Variants in SLC44A3 observed in about 807,000 individuals in gnomAD.
The protein encoded by SLC44A3 is choline transporter-like protein 3.
SLC44A3 carries 74 observed loss-of-function variants against 75.4 expected under a neutral mutation model. The ratio of observed to expected loss-of-function variants is 0.98; its 90% CI spans 0.81 to 1.19. The LOEUF (loss-of-function observed/expected upper bound fraction) is 1.19. Among genes scored for constraint, SLC44A3 ranks in the 50% most tolerant of loss-of-function variants. The pLI is 0.00. For missense variants in SLC44A3, 700 were observed against 778.6 expected (o/e 0.90, Z 1.20); for synonymous variants, 310 against 296.9 (o/e 1.04, Z -0.45).
intron 12 of SLC44A3, among the ~76,000 whole-genome samples, chr1:94,884,084 C>G (rs1669298162): frequency 1.3e-5 from 2 of 152,006 alleles, no homozygotes; most frequent in South Asian, 4.1e-4. Context: ...AAAAATTAAG[C>G]AAAAAGAAAA....
chr1:94,841,963 C>T (rs373849711), intron 7 of SLC44A3, 37 bp from the exon 8 acceptor site: 16 of 1,577,482 alleles, frequency 1.0e-5, no homozygotes, highest in South Asian at 2.4e-5. Context: ...TACCTCATGG[C>T]GTGTGCCCTG....
intron 3 of SLC44A3, among the ~76,000 whole-genome samples, chr1:94,826,797 C>T (rs1661412608): frequency 6.6e-6 from 1 of 152,116 alleles, no homozygotes; most frequent in Non-Finnish European, 1.5e-5. Flanking sequence ...GGGAAAAAAA[C>T]CTTCTGGGAC....
intron 14 of SLC44A3, 55 bp from the exon 15 acceptor site, chr1:94,894,763 G>C (rs17112707): frequency 2.0e-5 from 29 of 1,470,386 alleles, no homozygotes; most frequent in Non-Finnish European, 2.4e-5. Context: ...CGGCCCCTAC[G>C]TTATCAACAG....
intron 5 of SLC44A3, among the ~76,000 whole-genome samples, chr1:94,829,704 T>C (rs561425438): frequency 2.6e-4 from 40 of 152,232 alleles, no homozygotes; most frequent in Non-Finnish European, 4.7e-4. Flanking sequence ...GTCATTCTTT[T>C]GAAAAATGTG....
At chr1:94,821,274 G>A (rs1465981058) in intron 2 of SLC44A3, among the ~76,000 whole-genome samples, 1 of 152,176 alleles carries the variant, frequency 6.6e-6, no homozygotes, top group African/African-American at 2.4e-5. Context: ...GACTCCATTA[G>A]GAAATGGGAA....
intron 14 of SLC44A3, among the ~76,000 whole-genome samples, chr1:94,894,450 C>A (rs1670558283): frequency 1.3e-5 from 2 of 152,200 alleles, no homozygotes; most frequent in African/African-American, 4.8e-5. Context: ...AGACTAAATT[C>A]AGTCAACACA....
intron 12 of SLC44A3, among the ~76,000 whole-genome samples, chr1:94,887,425 G>A (rs1669703282): frequency 6.6e-6 from 1 of 152,102 alleles, no homozygotes; most frequent in Non-Finnish European, 1.5e-5. Flanking sequence ...GTACCTGCAG[G>A]AAGGCATATA....
intron 12 of SLC44A3, among the ~76,000 whole-genome samples, chr1:94,878,078 C>CA (rs1186503061): frequency 2.0e-5 from 3 of 151,932 alleles, no homozygotes; most frequent in Admixed American, 6.6e-5. Context: ...ACTAAAAATA[C>CA]AAAAAATTAG....
At chr1:94,849,438 C>CA (rs1664910152) in intron 9 of SLC44A3, among the ~76,000 whole-genome samples, 1 of 152,300 alleles carries the variant, frequency 6.6e-6, no homozygotes, top group East Asian at 1.9e-4. Context: ...CCCAGGTGCA[C>CA]AGGGTCCCCT....
At chr1:94,851,154 T>C (rs1474370888) in intron 9 of SLC44A3, among the ~76,000 whole-genome samples, 1 of 152,158 alleles carries the variant, frequency 6.6e-6, no homozygotes, top group Non-Finnish European at 1.5e-5. Context: ...CCCAAACTAG[T>C]CATTCTTCAA....
In SLC44A3 at chr1:94,842,137, C is replaced by T; in HGVS notation, c.885+13C>T. 6.3e-7 allele frequency: 1 copy of T among 1,593,876 alleles called. No individual in the cohort carries two copies. The highest frequency in any genetic ancestry group is 8.5e-7 in the Non-Finnish European group (1 of 1,171,650). ...CACAGGCATCACGGTAAGAAATGCTCTTCTAGCAGTAGGTCAGGTAGCCAG... is the reference window on the plus strand; with the variant it reads ...CACAGGCATCACGGTAAGAAATGCTTTTCTAGCAGTAGGTCAGGTAGCCAG... On this transcript the variant is annotated intron_variant, in intron 8 of 14. Coordinates refer to ENST00000271227, the MANE Select transcript of SLC44A3 (RefSeq NM_001114106.3).
rs755045146 is a variant in SLC44A3 at position 94,857,549 on chromosome 1, T to A, written c.1238+49T>A. 6 of 1,506,148 alleles carry A rather than the reference T, an allele frequency of 4.0e-6. No homozygotes were observed. In the African/African-American group the frequency reaches 8.5e-5, roughly 21 times the overall value. 93.3% of individuals were successfully genotyped at this position (1,506,148 alleles called of 1,614,324 possible). A position where few individuals can be genotyped will look rare whatever the true frequency, so the allele number is the denominator to read the frequency against. ...TTGGTTTGTCTATGTGGTTTATCTA[T>A]GTGCTTCATGTTAATATCTCAAAAG... On this transcript the variant is annotated intron_variant, in intron 10 of 14. Coordinates refer to ENST00000271227, the MANE Select transcript of SLC44A3 (RefSeq NM_001114106.3).
At chr1:94,889,889 T>TGCCCAGGCTG (rs1027280132) in intron 12 of SLC44A3, among the ~76,000 whole-genome samples, 13 of 152,102 alleles carry the variant, frequency 8.5e-5, no homozygotes, top group African/African-American at 3.1e-4. Context: ...TCGCTCTTGT[T>TGCCCAGGCTG]GCCCAGGCTG....
At chr1:94,880,438 C>T (rs1232504264) in intron 12 of SLC44A3, among the ~76,000 whole-genome samples, 74 of 152,182 alleles carry the variant, frequency 4.9e-4, no homozygotes, top group Admixed American at 4.8e-3. Flanking sequence ...ATAAGCCAGT[C>T]ACAAAAGGAC....
At chr1:94,870,974 C>A (rs1280194046) in intron 12 of SLC44A3, among the ~76,000 whole-genome samples, 1 of 152,208 alleles carries the variant, frequency 6.6e-6, no homozygotes, top group Admixed American at 6.5e-5. Flanking sequence ...AGCCACCATT[C>A]GTGGCCAGTT....
At chr1:94,860,210 C>T (rs900889726) in intron 10 of SLC44A3, among the ~76,000 whole-genome samples, 5 of 152,066 alleles carry the variant, frequency 3.3e-5, no homozygotes, top group African/African-American at 1.2e-4. Context: ...TTGCTAGGAT[C>T]CCCTCCCACC....
chr1:94,873,162 T>C (rs1667946101), intron 12 of SLC44A3, among the ~76,000 whole-genome samples: 1 of 152,244 alleles, frequency 6.6e-6, no homozygotes, highest in Non-Finnish European at 1.5e-5. Flanking sequence ...GTCCAATGCC[T>C]TTCACAGCCC....
intron 9 of SLC44A3, among the ~76,000 whole-genome samples, chr1:94,849,563 G>T (rs2101138982): frequency 6.6e-6 from 1 of 152,220 alleles, no homozygotes. Context: ...ACTTGAGAGG[G>T]ACTCTGAGCC....
intron 9 of SLC44A3, among the ~76,000 whole-genome samples, chr1:94,850,413 T>C (rs1289037742): frequency 6.6e-6 from 1 of 152,196 alleles, no homozygotes; most frequent in Non-Finnish European, 1.5e-5. Flanking sequence ...GTCTGGAAGC[T>C]CCAGAGTCTG....
Sources: allele counts gnomAD v4.1 joint callset (sites outside exome capture counted in the v4.1 genomes callset), GRCh38; gene constraint gnomAD v4.1.1; transcripts MANE v1.5; gene names NCBI Gene and HGNC (gene_info 2026-07-23, HGNC 2026-07-21).